The following FXR1 variants were observed in gnomAD, a reference collection of about 807,000 sequenced individuals.
The protein encoded by FXR1 is FMR1 autosomal homolog 1.
FXR1 carries 15 observed loss-of-function variants against 84.0 expected under a neutral mutation model. The ratio of observed to expected loss-of-function variants is 0.18; its 90% CI spans 0.12 to 0.27. FXR1 has a LOEUF of 0.27. FXR1 is among the 10% of genes least tolerant of loss of function. The pLI, the probability that FXR1 is intolerant of heterozygous loss-of-function variation, is 1.00. For synonymous variants in FXR1, 245 were observed against 250.7 expected (o/e 0.98, Z 0.21); for missense variants, 480 against 774.4 (o/e 0.62, Z 4.51).
At chr3:180,931,513 C>A (rs540827491) in intron 1 of FXR1, among the ~76,000 whole-genome samples, 1 of 152,058 alleles carries the variant, frequency 6.6e-6, no homozygotes, top group African/African-American at 2.4e-5. Flanking sequence ...GTCACTGCAC[C>A]GGGCCTACCA....
intron 1 of FXR1, among the ~76,000 whole-genome samples, chr3:180,931,268 G>C (rs1269623794): frequency 6.6e-6 from 1 of 152,046 alleles, no homozygotes; most frequent in Non-Finnish European, 1.5e-5. Flanking sequence ...GCCCAGGCTG[G>C]AGTGTAGTGG....
chr3:180,919,180 CT>C lies in FXR1; in HGVS notation c.51+6445del, dbSNP rs1169698452. On this transcript the variant is annotated intron_variant, in intron 1 of 16. Transcript: ENST00000357559. ...CCACCAGCCATGGAGCTGAAATGTA[CT>C]AGTCTGAATTGAGACATGCTTTAAA... 2.6e-5 allele frequency among the ~76,000 whole-genome samples: 4 copies of C among 151,760 alleles called. No individual in the cohort carries two copies. The East Asian group carries it at 7.7e-4, about 29-fold the overall frequency.
At chr3:180,968,490 A>T (rs931872615) in intron 14 of FXR1, 3 of 378,428 alleles carry the variant, frequency 7.9e-6, no homozygotes, top group Non-Finnish European at 1.4e-5. Context: ...TCTTTATATG[A>T]TGAGGGTCAG....
chr3:180,968,384 T>C, intron 14 of FXR1, 130 bp downstream of exon 14: 2 of 661,700 alleles, frequency 3.0e-6, no homozygotes, highest in Non-Finnish European at 5.4e-6. Context: ...GAGAAAGTAG[T>C]GGACCATATA....
chr3:180,968,481 C>G, intron 14 of FXR1: 1 of 389,374 alleles, frequency 2.6e-6, no homozygotes, highest in Non-Finnish European at 4.7e-6. Context: ...GGCAGCTTTT[C>G]TTTATATGAT....
chr3:180,935,837 T>G (rs1720460638), intron 3 of FXR1, among the ~76,000 whole-genome samples: 1 of 152,232 alleles, frequency 6.6e-6, no homozygotes, highest in South Asian at 2.1e-4. Flanking sequence ...CATCCCAAAA[T>G]GATGGGATTA....
At chr3:180,926,166 G>T in intron 1 of FXR1, among the ~76,000 whole-genome samples, 1 of 152,082 alleles carries the variant, frequency 6.6e-6, no homozygotes, top group African/African-American at 2.4e-5. Flanking sequence ...CAAATCTAGA[G>T]AGAAAAATAA....
At chr3:180,914,631 C>T in intron 1 of FXR1, 1 of 297,534 alleles carries the variant, frequency 3.4e-6, no homozygotes, top group Non-Finnish European at 5.0e-6. Context: ...TTTGGTTTCT[C>T]ACGGTATTTT....
At chr3:180,921,781 T>G (rs891488795) in intron 1 of FXR1, among the ~76,000 whole-genome samples, 1 of 151,526 alleles carries the variant, frequency 6.6e-6, no homozygotes, top group Non-Finnish European at 1.5e-5. Context: ...TAGACACGTG[T>G]ATAATTTTAC....
At chr3:180,932,904 T>C in intron 1 of FXR1, 1 of 155,778 alleles carries the variant, frequency 6.4e-6, no homozygotes, top group South Asian at 2.0e-4. Context: ...AGGTGGATGA[T>C]ACTGTAATTA....
In FXR1 at chr3:180,954,074, C is replaced by T. The variant is rs1240102790; in HGVS notation, c.880+234C>T. Reference sequence around the variant, plus strand: ...TGTACAGGATGACTCACTAATAAGGCCCAGGGTTTTTATAAGTTTGTCATT... The same window carrying T: ...TGTACAGGATGACTCACTAATAAGGTCCAGGGTTTTTATAAGTTTGTCATT... On this transcript the variant is annotated intron_variant, in intron 9 of 16. Transcript: ENST00000357559. 1.1e-5 allele frequency: 4 copies of T among 357,532 alleles called. No individual in the cohort carries two copies. In the East Asian group the frequency reaches 1.9e-4, roughly 17 times the overall value. The allele number at this position is 357,532 out of a possible 1,614,324, so 22.1% of individuals were successfully genotyped here. A position where few individuals can be genotyped will look rare whatever the true frequency, so the allele number is the denominator to read the frequency against.
At chr3:180,918,982 C>T (rs1013510194) in intron 1 of FXR1, among the ~76,000 whole-genome samples, 1 of 152,232 alleles carries the variant, frequency 6.6e-6, no homozygotes, top group Non-Finnish European at 1.5e-5. Context: ...GAACCAATTT[C>T]TTTAACCATT....
chr3:180,978,778 A>G lies in FXR1; in HGVS notation c.*2486A>G, dbSNP rs910012200. On this transcript the variant is annotated 3_prime_UTR_variant, in exon 17 of 17. Transcript: ENST00000357559. ...TTTCAGCATATATATGTGAATTCAT[A>G]TATGACACCTGAACGGAATCATGAA... The G allele has an allele frequency of 6.6e-6, 1 of 152,124 alleles. No homozygotes were observed. The highest frequency in any genetic ancestry group is 1.9e-4 in the East Asian group (1 of 5,184). The allele number at this position is 152,124 out of a possible 1,614,324, so 9.4% of individuals were successfully genotyped here.
chr3:180,942,907 A>G (rs1195174142), intron 3 of FXR1, among the ~76,000 whole-genome samples: 1 of 152,126 alleles, frequency 6.6e-6, no homozygotes, highest in Non-Finnish European at 1.5e-5. Flanking sequence ...ATTGTGTGAG[A>G]TATACTCTTC....
chr3:180,926,458 CTATT>C (rs1358076836), intron 1 of FXR1, among the ~76,000 whole-genome samples: 9 of 140,730 alleles, frequency 6.4e-5, no homozygotes, highest in African/African-American at 1.8e-4. Context: ...TTCCTAATCT[CTATT>C]TAGGGGGATT....
At chr3:180,971,249 ATG>A (rs1210358961) in intron 15 of FXR1, 1 of 316,244 alleles carries the variant, frequency 3.2e-6, no homozygotes, top group Non-Finnish European at 5.7e-6. Context: ...ACATGTACAC[ATG>A]TGTGCATATA....
In FXR1 at chr3:180,956,157, T is replaced by G. The variant is rs370973610; in HGVS notation, c.881-1662T>G. 2.6e-4 allele frequency among the ~76,000 whole-genome samples: 40 copies of G among 152,284 alleles called. 1 individual carries two copies. Among genetic ancestry groups the G allele is most frequent in the African/African-American group, 9.4e-4 (39 of 41,558 alleles). The stretch of plus-strand genomic sequence containing the variant: ...GTTCCAGAGAGGATTTCCTTACACA[T>G]TCGGGTTCTGAGAGTTCTAAGATGA... On this transcript the variant is annotated intron_variant, in intron 9 of 16. Coordinates refer to ENST00000357559, the MANE Select transcript of FXR1 (RefSeq NM_005087.4).
At chr3:180,943,455 C>T (rs1252177688) in intron 3 of FXR1, among the ~76,000 whole-genome samples, 2 of 151,462 alleles carry the variant, frequency 1.3e-5, no homozygotes, top group African/African-American at 2.4e-5. Flanking sequence ...TTAGTAGAGA[C>T]GGGGTTTTGC....
Position 180,976,471 on chromosome 3 carries a change from C to T in FXR1, c.*179C>T. The T allele has an allele frequency of 2.2e-6, 1 of 456,680 alleles. No homozygotes were observed. Among genetic ancestry groups the T allele is most frequent in the Non-Finnish European group, 3.9e-6 (1 of 253,750 alleles). The allele number at this position is 456,680 out of a possible 1,614,324, so 28.3% of individuals were successfully genotyped here. On this transcript the variant is annotated 3_prime_UTR_variant, in exon 17 of 17. Transcript: ENST00000357559. The stretch of plus-strand genomic sequence containing the variant: ...TCATATGTTAAACATACTTTGACAC[C>T]TACTGTGTTATAAAATATATCATCA...
Sources: gnomAD v4.1 joint callset for allele counts (sites outside exome capture counted in the v4.1 genomes callset) on GRCh38, gnomAD v4.1.1 for gene constraint, MANE v1.5 for transcripts, NCBI Gene and HGNC (gene_info 2026-07-23, HGNC 2026-07-21) for gene names.